Variants in SH3RF3 observed in about 807,000 individuals in gnomAD.
SH3RF3 encodes SH3 domain containing ring finger 3.
SH3RF3 carries 29 observed loss-of-function variants against 66.3 expected under a neutral mutation model. That is an observed-to-expected ratio of 0.44 (90% confidence interval 0.33 to 0.60). SH3RF3 has a LOEUF of 0.60. Among genes scored for constraint, SH3RF3 ranks in the 20% least tolerant of loss-of-function variants. The probability of loss-of-function intolerance (pLI) is 0.04; values close to 1 mark genes in which losing one functional copy is unlikely to be tolerated. For synonymous variants in SH3RF3, 583 were observed against 532.0 expected, an observed-to-expected ratio of 1.10 and a Z score of -1.32; for missense variants, 1,194 against 1,190.9, an observed-to-expected ratio of 1.00 and a Z score of -0.04.
chr2:109,252,209 C>T (rs1424328840), intron 1 of SH3RF3, among the ~76,000 whole-genome samples: 2 of 150,734 alleles, frequency 1.3e-5, no homozygotes, highest in African/African-American at 4.9e-5. Flanking sequence ...GATTGCACCA[C>T]TGCGCTCCAG....
intron 8 of SH3RF3, among the ~76,000 whole-genome samples, chr2:109,488,951 G>A (rs938350948): frequency 6.6e-6 from 1 of 152,170 alleles, no homozygotes; most frequent in Non-Finnish European, 1.5e-5. Context: ...GAGCTGGGCC[G>A]CCTCTTCCTC....
intron 1 of SH3RF3, among the ~76,000 whole-genome samples, chr2:109,220,703 A>G (rs952183060): frequency 6.6e-6 from 1 of 151,768 alleles, no homozygotes; most frequent in African/African-American, 2.4e-5. Context: ...AATGCAAATC[A>G]GAACCACAGT....
rs780179645 is a variant in SH3RF3, at chr2:109,219,897, G to A, written c.573+89784G>A. Among the ~76,000 whole-genome samples the A allele has an allele frequency of 3.9e-4, 60 of 152,132 alleles. 1 individual carries two copies. The highest frequency in any genetic ancestry group is 1.6e-4 in the Non-Finnish European group (11 of 68,024). ...GGCAATCTCTATCAAAACCCCAATGGCGTTTTTTAGAGAAATAGTAAAAAA... is the reference window on the plus strand; with the variant it reads ...GGCAATCTCTATCAAAACCCCAATGACGTTTTTTAGAGAAATAGTAAAAAA... On this transcript the variant is annotated intron_variant, in intron 1 of 9. Transcript: ENST00000309415.
At chr2:109,297,189 G>T (rs919879695) in intron 1 of SH3RF3, among the ~76,000 whole-genome samples, 1 of 151,964 alleles carries the variant, frequency 6.6e-6, no homozygotes, top group African/African-American at 2.4e-5. Context: ...CTGCAGGGGG[G>T]TGAGTTCCCC....
chr2:109,185,210 C>T (rs577196145), intron 1 of SH3RF3, among the ~76,000 whole-genome samples: 2 of 152,054 alleles, frequency 1.3e-5, no homozygotes, highest in Non-Finnish European at 1.5e-5. Context: ...GTTATTTTTC[C>T]GTATATTTAT....
intron 1 of SH3RF3, among the ~76,000 whole-genome samples, chr2:109,234,527 T>C (rs114941729): frequency 0.013 from 1,943 of 152,326 alleles, 20 homozygotes; most frequent in South Asian, 0.024. Flanking sequence ...TCTGAAACAT[T>C]TCTGTATTGG....
At chr2:109,264,149 GC>G (rs1214446046) in intron 1 of SH3RF3, among the ~76,000 whole-genome samples, 12 of 148,676 alleles carry the variant, frequency 8.1e-5, no homozygotes, top group Admixed American at 2.7e-4. Context: ...GTCTGTGGGT[GC>G]CCCCCATCCA....
At position 109,419,556 on chromosome 2, in the gene SH3RF3, G is replaced by A. The variant is rs1009725229; in HGVS notation, c.1317G>A (p.Ala439=). The change falls in exon 5 of 10, where the codon GCG becomes GCA. Residue 439 remains alanine (A), a synonymous_variant. Transcript: ENST00000309415. ...AAPTQDVSSS[A]GSTPTAVPRA... is the part of the protein sequence containing the mutation. ...GTTTCCAGGATGTCTCCTCCTCGGC[G>A]GGATCTACCCCCACGGCTGTCCCAC... 1.1e-5 allele frequency: 17 copies of A among 1,597,800 alleles called. No homozygotes were observed. Among genetic ancestry groups the A allele is most frequent in the African/African-American group, 4.0e-5 (3 of 74,662 alleles).
chr2:109,467,300 A>T (rs987423303), intron 8 of SH3RF3, among the ~76,000 whole-genome samples: 4 of 152,286 alleles, frequency 2.6e-5, no homozygotes, highest in African/African-American at 9.6e-5. Context: ...GGCACCACCC[A>T]GCAAGAAAAA....
intron 8 of SH3RF3, among the ~76,000 whole-genome samples, chr2:109,483,638 C>T (rs1219032034): frequency 6.6e-6 from 1 of 152,202 alleles, no homozygotes; most frequent in African/African-American, 2.4e-5. Flanking sequence ...TGGGAATTGG[C>T]ATAGAGTTTG....
chr2:109,220,245 C>CT (rs1276576316), intron 1 of SH3RF3, among the ~76,000 whole-genome samples: 2 of 152,120 alleles, frequency 1.3e-5, no homozygotes, highest in Non-Finnish European at 2.9e-5. Context: ...GAAGTCAGAC[C>CT]TTTATCTAAC....
At chr2:109,408,587 G>A (rs964289655) in intron 4 of SH3RF3, among the ~76,000 whole-genome samples, 1 of 152,214 alleles carries the variant, frequency 6.6e-6, no homozygotes, top group Non-Finnish European at 1.5e-5. Flanking sequence ...CTACCAGCCC[G>A]TGAGCTTCGC....
intron 1 of SH3RF3, among the ~76,000 whole-genome samples, chr2:109,266,877 C>T (rs748519066): frequency 6.6e-6 from 1 of 152,112 alleles, no homozygotes; most frequent in Non-Finnish European, 1.5e-5. Flanking sequence ...TGCTGCAGAC[C>T]GCCTCCCACT....
chr2:109,341,326 A>G (rs1311550553), intron 1 of SH3RF3, among the ~76,000 whole-genome samples: 1 of 152,222 alleles, frequency 6.6e-6, no homozygotes, highest in African/African-American at 2.4e-5. Flanking sequence ...AAAGTGGAAG[A>G]TGGGATACAC....
intron 1 of SH3RF3, among the ~76,000 whole-genome samples, chr2:109,258,916 G>T (rs1218983687): frequency 6.6e-6 from 1 of 152,176 alleles, no homozygotes; most frequent in Non-Finnish European, 1.5e-5. Flanking sequence ...AGCTCGAGCT[G>T]CAGAGAGACC....
Position 109,419,564 on chromosome 2 carries a change from C to T in SH3RF3, c.1325C>T (p.Thr442Ile), listed in dbSNP as rs1019847920. 4 of 1,598,206 alleles carry T rather than the reference C, an allele frequency of 2.5e-6. No homozygotes were observed. The highest frequency in any genetic ancestry group is 1.3e-5 in the African/African-American group (1 of 74,708). Residue 442 changes from threonine (T) to isoleucine (I), a missense_variant, in exon 5 of 10, where the codon ACC becomes ATC. Physicochemically the swap from Thr to Ile is moderately conservative, Grantham distance 89. Coordinates refer to ENST00000309415, the MANE Select transcript of SH3RF3 (RefSeq NM_001099289.3). The stretch of plus-strand genomic sequence containing the variant: ...GATGTCTCCTCCTCGGCGGGATCTA[C>T]CCCCACGGCTGTCCCACGGGCTGCC... ...TQDVSSSAGS[T>I]PTAVPRAASV... is the part of the protein sequence containing the mutation.
At chr2:109,372,462 A>G (rs1683294266) in intron 3 of SH3RF3, among the ~76,000 whole-genome samples, 1 of 152,182 alleles carries the variant, frequency 6.6e-6, no homozygotes. Flanking sequence ...ATCCCATAAG[A>G]GTGGCTTCAG....
intron 1 of SH3RF3, among the ~76,000 whole-genome samples, chr2:109,281,748 G>T (rs1271987460): frequency 6.6e-6 from 1 of 152,146 alleles, no homozygotes; most frequent in Non-Finnish European, 1.5e-5. Flanking sequence ...GTGGGTGCAG[G>T]CCCAGAGAGC....
In SH3RF3 at chr2:109,501,674, A is replaced by G. The variant is rs756705784; in HGVS notation, c.*3A>G. On this transcript the variant is annotated 3_prime_UTR_variant, in exon 10 of 10. Transcript: ENST00000309415. ...GCAGCTTCGTCGAGAGCTTCTGAGAACTGGTGCTCCCTGCACCCAGCTCAC... is the reference window on the plus strand; with the variant it reads ...GCAGCTTCGTCGAGAGCTTCTGAGAGCTGGTGCTCCCTGCACCCAGCTCAC... 2 of 758,504 alleles carry G rather than the reference A, an allele frequency of 2.6e-6. No individual in the cohort carries two copies. The highest frequency in any genetic ancestry group is 3.6e-5 in the Admixed American group (2 of 55,812). The allele number at this position is 758,504 out of a possible 1,614,324, so 47.0% of individuals were successfully genotyped here.
Sources: allele counts gnomAD v4.1 joint callset (sites outside exome capture counted in the v4.1 genomes callset), GRCh38; gene constraint gnomAD v4.1.1; transcripts MANE v1.5; gene names NCBI Gene and HGNC (gene_info 2026-07-23, HGNC 2026-07-21).